PPP6R2: variants seen among roughly 807,000 people sequenced by gnomAD.
The protein encoded by PPP6R2 is protein phosphatase 6 regulatory subunit 2, also known as serine/threonine-protein phosphatase 6 regulatory subunit 2.
PPP6R2 carries 62 observed loss-of-function variants against 100.2 expected under a neutral mutation model. That is an observed-to-expected ratio of 0.62 (90% CI 0.50 to 0.76). The LOEUF is 0.76. Ranked by LOEUF, PPP6R2 falls within the 30% of genes least tolerant of loss-of-function variation. PPP6R2 has a pLI of 0.00. For missense variants in PPP6R2, 1,142 were observed against 1,276.3 expected (o/e 0.89, Z 1.60); for synonymous variants, 525 against 514.7 (o/e 1.02, Z -0.27).
At chr22:50,437,483 C>CAGCCCA in intron 15 of PPP6R2, 23 bp from the exon 16 acceptor site, 5 of 734,950 alleles carry the variant, frequency 6.8e-6, no homozygotes, top group Non-Finnish European at 1.2e-5. Flanking sequence ...CTGTCCGTCC[C>CAGCCCA]TCCCTCCCTC....
chr22:50,365,021 C>T (rs2048459654), intron 1 of PPP6R2, among the ~76,000 whole-genome samples: 1 of 151,324 alleles, frequency 6.6e-6, no homozygotes, highest in Non-Finnish European at 1.5e-5. Flanking sequence ...TGTATATCTT[C>T]CATGTCTTTA....
intron 2 of PPP6R2, among the ~76,000 whole-genome samples, chr22:50,372,621 C>T (rs1002878067): frequency 6.6e-6 from 1 of 152,092 alleles, no homozygotes; most frequent in African/African-American, 2.4e-5. Context: ...TTTGATCCTC[C>T]TGTGTCTGGT....
chr22:50,435,127 GA>G (rs748994425), intron 13 of PPP6R2, 46 bp downstream of exon 13: 3 of 1,428,692 alleles, frequency 2.1e-6, no homozygotes, highest in Non-Finnish European at 9.2e-7. Context: ...CGGGCACCGG[GA>G]CCCCGAAGGA....
chr22:50,440,936 C>T lies in PPP6R2; in HGVS notation c.2489C>T (p.Ala830Val). ...GSHSEDGDQK[A>V]ASAMDAVSRG... ...CACAGCGAGGATGGCGACCAGAAGG[C>T]AGCGAGTGCCATGGATGCGGTGAGC... Residue 830 changes from alanine (A) to valine (V), a missense_variant, in exon 22 of 24, where the codon GCA becomes GTA. Physicochemically the swap from Ala to Val is moderately conservative, Grantham distance 64 (BLOSUM62 0). Transcript: ENST00000612753. 2 of 1,613,586 alleles carry T rather than the reference C, an allele frequency of 1.2e-6. No homozygotes were observed. The highest frequency in any genetic ancestry group is 1.7e-6 in the Non-Finnish European group (2 of 1,179,962).
intron 3 of PPP6R2, among the ~76,000 whole-genome samples, chr22:50,398,119 G>A (rs901299437): frequency 1.1e-4 from 17 of 151,710 alleles, no homozygotes; most frequent in African/African-American, 3.1e-4. Context: ...GATCACTTAC[G>A]CCCAGGAGTT....
chr22:50,355,223 A>AGCC (rs375831393), intron 1 of PPP6R2, among the ~76,000 whole-genome samples: 9 of 138,430 alleles, frequency 6.5e-5, no homozygotes, highest in East Asian at 2.0e-4. Flanking sequence ...TACAGCAAGC[A>AGCC]GCCTTCTTTT....
chr22:50,338,900 T>G (rs960887041), upstream of PPP6R2, among the ~76,000 whole-genome samples: 1 of 121,448 alleles, frequency 8.2e-6, no homozygotes. Flanking sequence ...GGGGTATGTG[T>G]GGTGTGTGTG....
At chr22:50,422,048 T>TG (rs2061410004) in intron 8 of PPP6R2, among the ~76,000 whole-genome samples, 1 of 152,096 alleles carries the variant, frequency 6.6e-6, no homozygotes, top group Non-Finnish European at 1.5e-5. Flanking sequence ...AGCAAGCATC[T>TG]GCCTGAAGGT....
At chr22:50,440,322 C>T (rs1200325576) in intron 21 of PPP6R2, among the ~76,000 whole-genome samples, 1 of 152,236 alleles carries the variant, frequency 6.6e-6, no homozygotes, top group African/African-American at 2.4e-5. Flanking sequence ...GGATTCCGGA[C>T]AGCAGCACTG....
chr22:50,359,265 C>G (rs2047295034), intron 1 of PPP6R2, among the ~76,000 whole-genome samples: 1 of 144,650 alleles, frequency 6.9e-6, no homozygotes, highest in African/African-American at 2.6e-5. Context: ...GTCGCCCAGG[C>G]TGGAGTGCAG....
chr22:50,347,708 C>G (rs1353705511), intron 1 of PPP6R2, among the ~76,000 whole-genome samples: 1 of 152,026 alleles, frequency 6.6e-6, no homozygotes, highest in African/African-American at 2.4e-5. Context: ...GTCACTGTAC[C>G]CACTGATTTT....
chr22:50,407,014 C>A, intron 4 of PPP6R2, 139 bp downstream of exon 4: 1 of 904,786 alleles, frequency 1.1e-6, no homozygotes, highest in Non-Finnish European at 1.7e-6. Flanking sequence ...ACACGTGGAG[C>A]AGTGTGTGGG....
chr22:50,443,573 C>T (rs2066344631), intron 22 of PPP6R2: 1 of 481,920 alleles, frequency 2.1e-6, no homozygotes, highest in South Asian at 3.0e-5. Context: ...ACAGGAGGCT[C>T]TGGGGTCCTT....
At chr22:50,435,158 C>G in intron 13 of PPP6R2, 77 bp downstream of exon 13, 1 of 1,232,120 alleles carries the variant, frequency 8.1e-7, no homozygotes, top group East Asian at 2.8e-5. Flanking sequence ...TGAGACTAAG[C>G]TCTGCCCGGC....
Position 50,419,292 on chromosome 22 carries a change from C to A in PPP6R2, c.732-57C>A, listed in dbSNP as rs1427127462. The A allele has an allele frequency of 1.9e-5, 27 of 1,459,224 alleles. No individual in the cohort carries two copies. The Middle Eastern group carries it at 6.9e-4, about 37-fold the overall frequency. The allele number at this position is 1,459,224 out of a possible 1,614,324, so 90.4% of individuals were successfully genotyped here. The stretch of plus-strand genomic sequence containing the variant: ...CCACGGGGAGGAAGGAGCATCCTTG[C>A]ATCCTTTGTGTGTGTGTCTGCTCTG... On this transcript the variant is annotated intron_variant, in intron 7 of 23. Coordinates refer to ENST00000612753, the MANE Select transcript of PPP6R2 (RefSeq NM_001242898.2).
At chr22:50,382,093 G>A (rs917737152) in intron 2 of PPP6R2, among the ~76,000 whole-genome samples, 3 of 152,058 alleles carry the variant, frequency 2.0e-5, no homozygotes, top group Non-Finnish European at 4.4e-5. Context: ...CAGGGTGCAT[G>A]CTTTTACCAC....
intron 1 of PPP6R2, among the ~76,000 whole-genome samples, chr22:50,358,932 A>G (rs2047159655): frequency 7.2e-6 from 1 of 138,546 alleles, no homozygotes; most frequent in African/African-American, 2.5e-5. Flanking sequence ...TAACACCGCG[A>G]TGTCTTGATT....
intron 10 of PPP6R2, among the ~76,000 whole-genome samples, chr22:50,428,579 TG>T (rs1330514831): frequency 3.9e-5 from 6 of 152,038 alleles, no homozygotes; most frequent in Non-Finnish European, 8.8e-5. Flanking sequence ...TAGGCAGGTG[TG>T]GTGGCACAGA....
upstream of PPP6R2, among the ~76,000 whole-genome samples, chr22:50,338,549 GT>G: frequency 7.6e-6 from 1 of 132,250 alleles, no homozygotes; most frequent in Non-Finnish European, 1.6e-5. Context: ...TGTGTGGTGT[GT>G]GTGGTATGTA....
Sources: allele counts gnomAD v4.1 joint callset (sites outside exome capture counted in the v4.1 genomes callset), GRCh38; gene constraint gnomAD v4.1.1; transcripts MANE v1.5; gene names NCBI Gene and HGNC (gene_info 2026-07-23, HGNC 2026-07-21).